The following GALNT17 variants were observed in gnomAD, a reference collection of about 807,000 sequenced individuals.
GALNT17 encodes the protein polypeptide N-acetylgalactosaminyltransferase 17.
A neutral mutation model predicts 63.7 loss-of-function variants in GALNT17; 29 were observed. That is an observed-to-expected ratio of 0.46 (90% confidence interval 0.34 to 0.62). GALNT17 has a LOEUF of 0.62. GALNT17 is among the 20% of genes least tolerant of loss of function. The pLI, the probability that GALNT17 is intolerant of heterozygous loss-of-function variation, is 0.01. For missense variants in GALNT17, 603 were observed against 799.6 expected (o/e 0.75, Z 2.97); for synonymous variants, 305 against 318.3 (o/e 0.96, Z 0.45).
At chr7:71,633,925 G>T (rs1172652699) in intron 6 of GALNT17, among the ~76,000 whole-genome samples, 1 of 152,238 alleles carries the variant, frequency 6.6e-6, no homozygotes, top group East Asian at 1.9e-4. Flanking sequence ...GACAAAGGGG[G>T]TTGGGGAGCT....
intron 1 of GALNT17, among the ~76,000 whole-genome samples, chr7:71,316,722 A>C (rs767673000): frequency 2.0e-5 from 3 of 152,118 alleles, no homozygotes; most frequent in Non-Finnish European, 2.9e-5. Context: ...TAAGAGGTGC[A>C]CACCTGGGAG....
chr7:71,558,032 C>A (rs1789193460), intron 5 of GALNT17, among the ~76,000 whole-genome samples: 2 of 152,152 alleles, frequency 1.3e-5, no homozygotes, highest in African/African-American at 4.8e-5. Context: ...TGAGATCACG[C>A]CACTGCACTC....
At chr7:71,612,196 G>A (rs1336434740) in intron 6 of GALNT17, among the ~76,000 whole-genome samples, 6 of 152,302 alleles carry the variant, frequency 3.9e-5, no homozygotes, top group Admixed American at 2.0e-4. Context: ...TTGAGTTAGT[G>A]TGAGTAGGAG....
chr7:71,604,123 CAT>C (rs1331477962), intron 6 of GALNT17, among the ~76,000 whole-genome samples: 1 of 152,172 alleles, frequency 6.6e-6, no homozygotes, highest in Non-Finnish European at 1.5e-5. Flanking sequence ...ATGCTAAGTG[CAT>C]ATACCAGGTA....
At chr7:71,604,112 C>T (rs1790010372) in intron 6 of GALNT17, among the ~76,000 whole-genome samples, 13 of 144,098 alleles carry the variant, frequency 9.0e-5, no homozygotes, top group South Asian at 7.0e-4. Context: ...CAGTGGATAC[C>T]ATGCTAAGTG....
chr7:71,711,013 T>C, intron 10 of GALNT17, 85 bp downstream of exon 10: 5 of 1,513,684 alleles, frequency 3.3e-6, no homozygotes, highest in Non-Finnish European at 4.4e-6. Context: ...TCCCCAGGGG[T>C]CCCCAGCAAA....
At chr7:71,421,388 G>A (rs1432256948) in intron 5 of GALNT17, among the ~76,000 whole-genome samples, 1 of 152,202 alleles carries the variant, frequency 6.6e-6, no homozygotes, top group Admixed American at 6.5e-5. Flanking sequence ...TCGTATAGGA[G>A]GAACTGCGTT....
chr7:71,393,048 G>A (rs377286214), intron 3 of GALNT17, among the ~76,000 whole-genome samples: 11 of 151,962 alleles, frequency 7.2e-5, no homozygotes, highest in African/African-American at 2.2e-4. Flanking sequence ...TTTGATAATG[G>A]TGTTTTAAAA....
At position 71,216,391 on chromosome 7, in the gene GALNT17, G is replaced by A. The variant is rs139003286; in HGVS notation, c.238+83351G>A. Among the ~76,000 whole-genome samples, 417 of 152,248 alleles carry A rather than the reference G, an allele frequency of 2.7e-3. 3 individuals carry two copies. The highest frequency in any genetic ancestry group is 9.6e-3 in the African/African-American group (397 of 41,538). ...TTGTGGACTTTGTGAAGTAGCTCTG[G>A]GGGAACGCCAGAAGCCTCAGACCAC... On this transcript the variant is annotated intron_variant, in intron 1 of 10. Transcript: ENST00000333538.
At chr7:71,663,204 G>C (rs866778118) in intron 6 of GALNT17, among the ~76,000 whole-genome samples, 2 of 152,034 alleles carry the variant, frequency 1.3e-5, no homozygotes, top group African/African-American at 4.8e-5. Flanking sequence ...CGAACTTTAG[G>C]ATCTGCTTGT....
intron 6 of GALNT17, among the ~76,000 whole-genome samples, chr7:71,652,791 G>A (rs1384800640): frequency 3.9e-5 from 6 of 152,164 alleles, no homozygotes; most frequent in Non-Finnish European, 1.5e-5. Flanking sequence ...AGACATCAGA[G>A]ACACATGCTC....
At chr7:71,527,693 A>G (rs530773870) in intron 5 of GALNT17, among the ~76,000 whole-genome samples, 1 of 152,388 alleles carries the variant, frequency 6.6e-6, no homozygotes, top group Non-Finnish European at 1.5e-5. Flanking sequence ...AAAAAGCAAG[A>G]CAAGAAACTT....
chr7:71,346,746 T>TG (rs1204669323), intron 2 of GALNT17, among the ~76,000 whole-genome samples: 16 of 1,290 alleles, frequency 0.012, no homozygotes, highest in Non-Finnish European at 0.018. Flanking sequence ...TCTTGCCTGT[T>TG]GGGGGGGCGG....
intron 1 of GALNT17, among the ~76,000 whole-genome samples, chr7:71,205,883 C>G (rs1789262392): frequency 6.6e-6 from 1 of 151,934 alleles, no homozygotes; most frequent in Non-Finnish European, 1.5e-5. Flanking sequence ...TAGGTTATTT[C>G]TAACAATTTG....
At chr7:71,336,813 T>C (rs915340803) in intron 2 of GALNT17, among the ~76,000 whole-genome samples, 16 of 152,252 alleles carry the variant, frequency 1.1e-4, no homozygotes, top group African/African-American at 3.6e-4. Context: ...TGTGCATGTG[T>C]CTTTATGATA....
intron 3 of GALNT17, among the ~76,000 whole-genome samples, chr7:71,399,476 C>T (rs960116384): frequency 3.3e-5 from 5 of 152,190 alleles, no homozygotes; most frequent in African/African-American, 1.2e-4. Flanking sequence ...GGTTAACCCT[C>T]TGATTCTGCG....
intron 6 of GALNT17, among the ~76,000 whole-genome samples, chr7:71,573,971 C>T (rs1464782306): frequency 6.6e-6 from 1 of 152,118 alleles, no homozygotes; most frequent in Non-Finnish European, 1.5e-5. Context: ...GGATAATGGC[C>T]TCCAGCTCCA....
Position 71,668,516 on chromosome 7 carries a change from C to CAAAAAAAAAAA in GALNT17, c.1267-1447_1267-1437dup, listed in dbSNP as rs56329930. On this transcript the variant is annotated intron_variant, in intron 7 of 10. Transcript: ENST00000333538. ...GGGCAACAAGGGCCAGACACCATCT[C>CAAAAAAAAAAA]AAAAAAAAAAAAAAAAAAAGACCAT... 4.6e-4 allele frequency among the ~76,000 whole-genome samples: 29 copies of CAAAAAAAAAAA among 62,914 alleles called. 2 individuals carry two copies. The highest frequency in any genetic ancestry group is 7.2e-4 in the African/African-American group (14 of 19,532). The allele number at this position is 62,914 out of a possible 152,430, so 41.3% of individuals were successfully genotyped here. A position where few individuals can be genotyped will look rare whatever the true frequency, so the allele number is the denominator to read the frequency against.
chr7:71,500,820 T>C (rs533923836), intron 5 of GALNT17, among the ~76,000 whole-genome samples: 1 of 152,144 alleles, frequency 6.6e-6, no homozygotes, highest in Non-Finnish European at 1.5e-5. Context: ...AGACAATTCC[T>C]ACCACCATAG....
Sources: allele counts gnomAD v4.1 joint callset (sites outside exome capture counted in the v4.1 genomes callset), GRCh38; gene constraint gnomAD v4.1.1; transcripts MANE v1.5; gene names NCBI Gene and HGNC (gene_info 2026-07-23, HGNC 2026-07-21).